TAS2R14: variants seen among roughly 807,000 people sequenced by gnomAD.
TAS2R14 encodes the protein taste 2 receptor member 14.
For synonymous variants in TAS2R14, 131 were observed against 131.0 expected (o/e 1.00, Z 0.00); for missense variants, 383 against 372.0 (o/e 1.03, Z -0.24).
rs924798574 is a variant in TAS2R14 at position 10,938,776 on chromosome 12, A to T, written c.432T>A (p.Asn144Lys). The T allele has an allele frequency of 2.0e-5, 32 of 1,613,488 alleles. No homozygotes were observed. The highest frequency in any genetic ancestry group is 2.5e-5 in the Non-Finnish European group (30 of 1,179,950). The stretch of plus-strand genomic sequence containing the variant: ...TTATATGGATGTTTATCAGTGCAAT[A>T]TTTAAAAACAAGAAGACCGAAGTCA... Residue 144 changes from asparagine (N) to lysine (K), a missense_variant, in exon 1 of 1, where the codon AAT becomes AAA. Physicochemically the swap from Asn to Lys is moderately conservative, Grantham distance 94 (BLOSUM62 0). Coordinates refer to ENST00000537503, the Ensembl canonical transcript of TAS2R14.
Position 10,938,925 on chromosome 12 carries a change from A to C in TAS2R14, c.283T>G (p.Phe95Val), listed in dbSNP as rs139989410. The C allele has an allele frequency of 4.3e-6, 7 of 1,613,874 alleles. No individual in the cohort carries two copies. In the African/African-American group the frequency reaches 9.3e-5, roughly 22 times the overall value. ...AGGCCTGTAGCTAACCAGACACTAA[A>C]ATGATTGATCACTGTCCAGATATTA... The change falls in exon 1 of 1, where the codon TTT becomes GTT. Residue 95 changes from phenylalanine (F) to valine (V), a missense_variant. By Grantham distance (50) the Phe-to-Val change is conservative. Transcript: ENST00000537503.
chr12:10,938,585 T>A, exon 1 of TAS2R14: 3 of 1,613,994 alleles, frequency 1.9e-6, no homozygotes, highest in Non-Finnish European at 2.5e-6. Flanking sequence ...CTTCTTGCGA[T>A]GTTTCCACAT....
At chr12:10,938,208 T>C (rs1343982551) in exon 1 of TAS2R14, 1 of 1,272,016 alleles carries the variant, frequency 7.9e-7, no homozygotes, top group Non-Finnish European at 1.1e-6. Context: ...TATAAATTTA[T>C]ATAACATACA....
chr12:10,938,572 C>T (rs1280457903), exon 1 of TAS2R14: 1 of 1,613,948 alleles, frequency 6.2e-7, no homozygotes, highest in South Asian at 1.1e-5. Flanking sequence ...CAGTGTGCTG[C>T]ATCTTCTTGC....
chr12:10,938,771 G>T (rs765891428), exon 1 of TAS2R14: 4 of 1,613,320 alleles, frequency 2.5e-6, no homozygotes, highest in Middle Eastern at 1.6e-4. Flanking sequence ...GTTTATCAGT[G>T]CAATATTTAA....
chr12:10,939,143 A>G, exon 1 of TAS2R14: 3 of 1,601,776 alleles, frequency 1.9e-6, no homozygotes, highest in South Asian at 1.1e-5. Flanking sequence ...ACTATTTCCT[A>G]AATTTCCAAT....
chr12:10,938,463 T>A (rs755402197), exon 1 of TAS2R14: 1 of 1,613,884 alleles, frequency 6.2e-7, no homozygotes, highest in South Asian at 1.1e-5. Context: ...CAAACTGATA[T>A]GAAAAAAGAC....
At chr12:10,938,512 A>T in exon 1 of TAS2R14, 1 of 1,614,062 alleles carries the variant, frequency 6.2e-7, no homozygotes. Context: ...AAGTGATCAC[A>T]CTTTTAACTC....
chr12:10,938,961 T>C (rs1314984313), exon 1 of TAS2R14: 3 of 1,613,662 alleles, frequency 1.9e-6, no homozygotes, highest in African/African-American at 2.7e-5. Flanking sequence ...GTAAGCATTC[T>C]GAACATTTTT....
At chr12:10,938,020 T>C (rs143293386) in exon 1 of TAS2R14, 4 of 390,860 alleles carry the variant, frequency 1.0e-5, no homozygotes, top group African/African-American at 6.2e-5. Context: ...GAATGATTGA[T>C]ACAAAATCTA....
At chr12:10,937,840 T>G (rs1950314841) in exon 1 of TAS2R14, 1 of 154,410 alleles carries the variant, frequency 6.5e-6, no homozygotes, top group African/African-American at 2.4e-5. Context: ...ATACAAAAAT[T>G]AAAAACACTT....
chr12:10,938,888 T>C (rs769183561), exon 1 of TAS2R14: 1 of 1,613,760 alleles, frequency 6.2e-7, no homozygotes, highest in Middle Eastern at 1.6e-4. Context: ...CTTGAGAAAA[T>C]AAAAAGTACC....
exon 1 of TAS2R14, chr12:10,938,798 G>A (rs1323977046): frequency 1.2e-6 from 2 of 1,613,308 alleles, no homozygotes; most frequent in East Asian, 4.5e-5. Context: ...GAAGACCGAA[G>A]TCACAAGAAG....
At chr12:10,939,253 T>G in exon 1 of TAS2R14, 1 of 1,093,212 alleles carries the variant, frequency 9.1e-7, no homozygotes, top group Non-Finnish European at 1.3e-6. Flanking sequence ...TGCTGAAGAC[T>G]TCTTAATGCA....
chr12:10,939,087 T>C, exon 1 of TAS2R14: 1 of 1,613,942 alleles, frequency 6.2e-7, no homozygotes, highest in East Asian at 2.2e-5. Flanking sequence ...ACCGAAGAGA[T>C]CTTTCTTCCC....
chr12:10,938,394 A>T (rs1337104456), exon 1 of TAS2R14: 1 of 1,613,288 alleles, frequency 6.2e-7, no homozygotes, highest in Non-Finnish European at 8.5e-7. Context: ...CATGAAGGAT[A>T]AGCCATTCCC....
In TAS2R14 at chr12:10,939,009, A is replaced by T. The variant is rs140545738; in HGVS notation, c.199T>A (p.Cys67Ser). Residue 67 changes from cysteine to serine, a missense_variant, in exon 1 of 1, where the codon TGT becomes AGT. Cys to Ser is a moderately radical substitution (Grantham distance 112, BLOSUM62 -1). Coordinates refer to ENST00000537503, the Ensembl canonical transcript of TAS2R14. ...AAAGCTGGGAAAAACACAGACACAC[A>T]CCAGCTTCCGAATATTAACCAAACC... The T allele has an allele frequency of 8.5e-4, 1,370 of 1,613,668 alleles. 10 individuals carry two copies. In the African/African-American group the frequency reaches 0.016, roughly 19 times the overall value.
At chr12:10,938,316 G>C in exon 1 of TAS2R14, 1 of 1,613,780 alleles carries the variant, frequency 6.2e-7, no homozygotes, top group South Asian at 1.1e-5. Flanking sequence ...ATGTACCTCA[G>C]CCACAGTAGC....
At chr12:10,938,477 GA>G in exon 5 of TAS2R14, 2 of 1,614,020 alleles carry the variant, frequency 1.2e-6, no homozygotes, top group South Asian at 1.1e-5. Context: ...AAAAGACAGA[GA>G]GAAAATGGCA....
Sources: gnomAD v4.1 joint callset for allele counts on GRCh38, gnomAD v4.1.1 for gene constraint, MANE v1.5 for transcripts, NCBI Gene and HGNC (gene_info 2026-07-23, HGNC 2026-07-21) for gene names.